The following HHLA2 variants were observed in gnomAD, a reference collection of about 807,000 sequenced individuals.
HHLA2 encodes HERV-H LTR-associating protein 2.
In HHLA2, 48 loss-of-function variants were observed where a neutral mutation model predicts 45.9. The ratio of observed to expected loss-of-function variants is 1.05; its 90% confidence interval spans 0.83 to 1.33. The LOEUF is 1.33. Among genes scored for constraint, HHLA2 ranks in the 40% most tolerant of loss-of-function variants. HHLA2 has a pLI of 0.00. For missense variants in HHLA2, 462 were observed against 494.3 expected, an observed-to-expected ratio of 0.93 and a Z score of 0.62; for synonymous variants, 161 against 173.9, an observed-to-expected ratio of 0.93 and a Z score of 0.59.
intron 9 of HHLA2, 108 bp downstream of exon 8, chr3:108,375,908 T>C: frequency 2.1e-6 from 3 of 1,402,944 alleles, no homozygotes; most frequent in South Asian, 1.3e-5. Context: ...AAAATAGATA[T>C]ATTCCATACT....
chr3:108,297,155 T>A (rs2080774097), intron 1 of HHLA2, among the ~76,000 whole-genome samples: 1 of 152,238 alleles, frequency 6.6e-6, no homozygotes, highest in African/African-American at 2.4e-5. Flanking sequence ...TGTCATTTTT[T>A]AATAACTAAA....
chr3:108,330,874 G>A (rs146853626), intron 3 of HHLA2, among the ~76,000 whole-genome samples: 66 of 152,192 alleles, frequency 4.3e-4, no homozygotes, highest in South Asian at 1.7e-3. Context: ...AGGGCATTTC[G>A]TTATTCAGCA....
chr3:108,375,702 T>G (rs1385746804), intron 8 of HHLA2, 48 bp from the exon 8 acceptor site: 7 of 1,592,790 alleles, frequency 4.4e-6, no homozygotes, highest in Non-Finnish European at 6.0e-6. Flanking sequence ...GGGAAACAGC[T>G]GGGAGAGTAA....
chr3:108,368,788 G>C (rs148201309), intron 8 of HHLA2, among the ~76,000 whole-genome samples: 4 of 152,012 alleles, frequency 2.6e-5, no homozygotes, highest in Admixed American at 1.3e-4. Context: ...TAGTGGGAGA[G>C]TTTAACACCC....
intron 8 of HHLA2, among the ~76,000 whole-genome samples, chr3:108,367,832 A>G (rs1285452806): frequency 6.6e-6 from 1 of 152,172 alleles, no homozygotes; most frequent in Non-Finnish European, 1.5e-5. Context: ...ACAAGCCACT[A>G]TTCAAATTCA....
At chr3:108,325,525 T>C (rs917832612) in intron 2 of HHLA2, 17 of 300,918 alleles carry the variant, frequency 5.6e-5, no homozygotes, top group South Asian at 2.4e-4. Context: ...CTGCTACTAT[T>C]GCTACTGGAA....
intron 1 of HHLA2, among the ~76,000 whole-genome samples, chr3:108,305,252 A>G (rs1456262637): frequency 1.3e-5 from 2 of 152,188 alleles, no homozygotes; most frequent in African/African-American, 4.8e-5. Flanking sequence ...GGGCTGTGAG[A>G]GAGAAGGAAA....
intron 8 of HHLA2, among the ~76,000 whole-genome samples, chr3:108,370,662 G>A (rs146138743): frequency 3.6e-4 from 55 of 152,268 alleles, no homozygotes; most frequent in Admixed American, 6.5e-4. Context: ...ACCAAGGCAC[G>A]AGAACTACAT....
chr3:108,328,620 T>G (rs542034199), intron 3 of HHLA2, among the ~76,000 whole-genome samples: 1 of 152,306 alleles, frequency 6.6e-6, no homozygotes, highest in Admixed American at 6.5e-5. Flanking sequence ...GAGGTGAATT[T>G]AGACTTTGCA....
intron 3 of HHLA2, among the ~76,000 whole-genome samples, chr3:108,346,361 G>A (rs1270016675): frequency 6.6e-6 from 1 of 152,104 alleles, no homozygotes; most frequent in Admixed American, 6.6e-5. Context: ...AATCTAAGTG[G>A]ATGCTAAGGA....
chr3:108,368,054 TAACATTCTTAAAGAAGAGAATTTTC>T (rs1215518398), intron 8 of HHLA2, among the ~76,000 whole-genome samples: 2 of 152,076 alleles, frequency 1.3e-5, no homozygotes, highest in Non-Finnish European at 2.9e-5. Context: ...GGCCAATATT[TAACATTCTTAAAGAAGAGAATTTTC>T]AACCCAGAAT....
At chr3:108,315,575 G>A (rs1391834288) in intron 2 of HHLA2, among the ~76,000 whole-genome samples, 1 of 152,200 alleles carries the variant, frequency 6.6e-6, no homozygotes, top group African/African-American at 2.4e-5. Flanking sequence ...ACTAGAGATA[G>A]CTACTCTAAT....
chr3:108,353,782 T>C lies in HHLA2; in HGVS notation c.418+2T>C. 1 of 1,595,472 alleles carries C rather than the reference T, an allele frequency of 6.3e-7. No individual in the cohort carries two copies. The highest frequency in any genetic ancestry group is 1.1e-5 in the South Asian group (1 of 88,874). On this transcript the variant is annotated splice_donor_variant, in intron 5 of 10. Coordinates refer to ENST00000619531, the Ensembl canonical transcript of HHLA2. LOFTEE classifies it high-confidence loss of function. ...ACAAAGTGGTGCTAAAGGTGGGAGG[T>C]AAGTGTGCATGTAAAGTTTCATGAA...
chr3:108,320,908 T>G (rs1408805707), intron 2 of HHLA2, among the ~76,000 whole-genome samples: 1 of 152,104 alleles, frequency 6.6e-6, no homozygotes, highest in Non-Finnish European at 1.5e-5. Flanking sequence ...GGTTTCTTGC[T>G]GCTAAGCTTG....
At chr3:108,338,998 A>C (rs1321997979) in intron 3 of HHLA2, among the ~76,000 whole-genome samples, 1 of 152,194 alleles carries the variant, frequency 6.6e-6, no homozygotes, top group Non-Finnish European at 1.5e-5. Context: ...ATAATTTATC[A>C]TTCAAATTGG....
At chr3:108,339,241 A>G (rs1260017939) in intron 3 of HHLA2, among the ~76,000 whole-genome samples, 1 of 152,210 alleles carries the variant, frequency 6.6e-6, no homozygotes, top group Non-Finnish European at 1.5e-5. Context: ...AAGACTCACA[A>G]AAAGGTCAAG....
chr3:108,308,170 C>G (rs2080962218), intron 1 of HHLA2, among the ~76,000 whole-genome samples: 1 of 152,210 alleles, frequency 6.6e-6, no homozygotes, highest in Non-Finnish European at 1.5e-5. Flanking sequence ...CACCACTACC[C>G]TTCCCAGCCT....
At chr3:108,362,568 T>C in intron 8 of HHLA2, 122 bp downstream of exon 7, 1 of 675,388 alleles carries the variant, frequency 1.5e-6, no homozygotes, top group African/African-American at 1.8e-5. Context: ...TGGAATGTCA[T>C]TCACAAAATT....
intron 8 of HHLA2, 70 bp from the exon 8 acceptor site, chr3:108,375,680 G>A (rs891940781): frequency 1.3e-6 from 2 of 1,557,050 alleles, no homozygotes; most frequent in African/African-American, 2.7e-5. Flanking sequence ...GCCATACCAA[G>A]GTGACCTTAC....
Sources: allele counts gnomAD v4.1 joint callset (sites outside exome capture counted in the v4.1 genomes callset), GRCh38; gene constraint gnomAD v4.1.1; transcripts MANE v1.5; gene names NCBI Gene and HGNC (gene_info 2026-07-23, HGNC 2026-07-21).